The following TMEM132B variants were observed in gnomAD, a reference collection of about 807,000 sequenced individuals.
TMEM132B encodes the protein transmembrane protein 132B.
TMEM132B carries 18 observed loss-of-function variants against 90.8 expected under a neutral mutation model. The observed-to-expected ratio is 0.20, with a 90% CI of 0.14 to 0.29. The LOEUF is 0.29. Ranked by LOEUF, TMEM132B falls within the 10% of genes least tolerant of loss-of-function variation. The pLI, the probability that TMEM132B is intolerant of heterozygous loss-of-function variation, is 1.00. For synonymous variants in TMEM132B, 504 were observed against 523.3 expected (o/e 0.96, Z 0.50); for missense variants, 1,096 against 1,326.8 (o/e 0.83, Z 2.70).
rs369597303 is a variant in TMEM132B, at chr12:125,601,263, C to G, written c.1437+17269C>G. On this transcript the variant is annotated intron_variant, in intron 5 of 8. Transcript: ENST00000682704. ...GCAAATGAACTGAAATCTTAACAGTCTCTCAGACCACGGTGAAATCAAATT... is the reference window on the plus strand; with the variant it reads ...GCAAATGAACTGAAATCTTAACAGTGTCTCAGACCACGGTGAAATCAAATT... 2.2e-4 allele frequency among the ~76,000 whole-genome samples: 34 copies of G among 152,304 alleles called. 1 individual carries two copies. The East Asian group carries it at 6.4e-3, about 28-fold the overall frequency.
At chr12:125,268,781 A>G (rs1426747523) in intron 1 of TMEM132B, among the ~76,000 whole-genome samples, 1 of 152,234 alleles carries the variant, frequency 6.6e-6, no homozygotes, top group Non-Finnish European at 1.5e-5. Context: ...TGTTTTACCC[A>G]TTCAAAACAT....
intron 1 of TMEM132B, among the ~76,000 whole-genome samples, chr12:125,326,285 CT>C (rs1876560617): frequency 1.3e-5 from 2 of 152,214 alleles, no homozygotes; most frequent in African/African-American, 4.8e-5. Flanking sequence ...GTCCCCGTGC[CT>C]TTGAGCTTCA....
chr12:125,463,014 C>A (rs1476963095), intron 3 of TMEM132B, among the ~76,000 whole-genome samples: 2 of 152,170 alleles, frequency 1.3e-5, no homozygotes, highest in Non-Finnish European at 1.5e-5. Context: ...GATGTTAAAG[C>A]TTTTAACCTT....
intron 4 of TMEM132B, among the ~76,000 whole-genome samples, chr12:125,570,618 G>A (rs1301958455): frequency 1.3e-5 from 2 of 152,168 alleles, no homozygotes; most frequent in Admixed American, 6.5e-5. Context: ...TTTCTGCCTC[G>A]TAGATAATAA....
intron 1 of TMEM132B, among the ~76,000 whole-genome samples, chr12:125,249,862 A>G (rs1874280590): frequency 6.6e-6 from 1 of 152,198 alleles, no homozygotes; most frequent in Non-Finnish European, 1.5e-5. Context: ...AGAGTCCCCC[A>G]TCGGGCCACA....
chr12:125,486,995 T>C (rs1882221007), intron 3 of TMEM132B, among the ~76,000 whole-genome samples: 1 of 152,216 alleles, frequency 6.6e-6, no homozygotes, highest in African/African-American at 2.4e-5. Context: ...GTAAAATTTG[T>C]TCCGAAACCA....
intron 2 of TMEM132B, among the ~76,000 whole-genome samples, chr12:125,375,281 A>G (rs1878439262): frequency 6.6e-6 from 1 of 152,250 alleles, no homozygotes; most frequent in South Asian, 2.1e-4. Context: ...AATATGCAAC[A>G]GTCTCTAAAG....
At chr12:125,351,058 T>C (rs1877559511) in intron 2 of TMEM132B, among the ~76,000 whole-genome samples, 1 of 152,174 alleles carries the variant, frequency 6.6e-6, no homozygotes, top group Non-Finnish European at 1.5e-5. Flanking sequence ...TCTGCAGTTC[T>C]CAGTATCCAG....
chr12:125,241,814 A>T (rs945091431), intron 1 of TMEM132B, among the ~76,000 whole-genome samples: 4 of 152,212 alleles, frequency 2.6e-5, no homozygotes, highest in African/African-American at 7.2e-5. Context: ...ATAGATGTGT[A>T]TGAATAGAGT....
At chr12:125,642,936 A>ATT in intron 5 of TMEM132B, among the ~76,000 whole-genome samples, 1 of 151,022 alleles carries the variant, frequency 6.6e-6, no homozygotes, top group South Asian at 2.1e-4. Flanking sequence ...TATTAGTGCC[A>ATT]TTTTTTTTTG....
rs869083244 is a variant in TMEM132B at position 125,282,027 on chromosome 12, C to CAAAAAA, written c.68-67397_68-67392dup. On this transcript the variant is annotated intron_variant, in intron 1 of 8. Transcript: ENST00000682704. ...TGGCCAACACAGGGAGACTCCGTCT[C>CAAAAAA]AAAAAAAAAAAAAAAAAAAAAAAAA... 2.3e-3 allele frequency among the ~76,000 whole-genome samples: 37 copies of CAAAAAA among 16,074 alleles called. 1 individual carries two copies. The highest frequency in any genetic ancestry group is 6.3e-3 in the African/African-American group (28 of 4,430). The allele number at this position is 16,074 out of a possible 152,430, so 10.5% of individuals were successfully genotyped here. A position where few individuals can be genotyped will look rare whatever the true frequency, so the allele number is the denominator to read the frequency against.
chr12:125,589,865 C>T (rs1286514053), intron 5 of TMEM132B, among the ~76,000 whole-genome samples: 1 of 152,014 alleles, frequency 6.6e-6, no homozygotes, highest in Non-Finnish European at 1.5e-5. Context: ...GATTACAATT[C>T]AACATGAGAT....
chr12:125,285,279 C>A (rs1028307143), intron 1 of TMEM132B, among the ~76,000 whole-genome samples: 1 of 152,132 alleles, frequency 6.6e-6, no homozygotes, highest in African/African-American at 2.4e-5. Context: ...TGAGGGATTT[C>A]CGCAAAAATG....
rs199765236 is a variant in TMEM132B at position 125,394,451 on chromosome 12, G to A, written c.960-21080G>A. Among the ~76,000 whole-genome samples the A allele has an allele frequency of 3.3e-5, 5 of 152,344 alleles. No homozygotes were observed. The East Asian group carries it at 9.7e-4, about 29-fold the overall frequency. Reference sequence around the variant, plus strand: ...TGATACACATGAGGATGATGGCAGTGACATGGAGAGACACTCGGGACTTAT... The same window carrying A: ...TGATACACATGAGGATGATGGCAGTAACATGGAGAGACACTCGGGACTTAT... On this transcript the variant is annotated intron_variant, in intron 2 of 8. Coordinates refer to ENST00000682704, the MANE Select transcript of TMEM132B (RefSeq NM_001366854.1).
intron 1 of TMEM132B, among the ~76,000 whole-genome samples, chr12:125,202,929 T>G (rs1230778223): frequency 6.6e-6 from 1 of 152,140 alleles, no homozygotes; most frequent in Non-Finnish European, 1.5e-5. Context: ...ATCCAACACA[T>G]TTCTTTTTCT....
At chr12:125,301,938 A>C (rs1395480779) in intron 1 of TMEM132B, 1 of 150,596 alleles carries the variant, frequency 6.6e-6, no homozygotes, top group African/African-American at 2.4e-5. Context: ...GCGGTGGCTC[A>C]TGCCTGTAAT....
intron 2 of TMEM132B, among the ~76,000 whole-genome samples, chr12:125,386,217 G>A (rs866192996): frequency 6.6e-6 from 1 of 152,030 alleles, no homozygotes; most frequent in Admixed American, 6.6e-5. Flanking sequence ...TGAACTCTTG[G>A]GCTCAAGTGA....
chr12:125,503,032 G>A (rs1014562331), intron 3 of TMEM132B, among the ~76,000 whole-genome samples: 3 of 152,154 alleles, frequency 2.0e-5, no homozygotes, highest in African/African-American at 4.8e-5. Context: ...CAGCAGGTGC[G>A]GTCCCAGACT....
chr12:125,313,512 T>C (rs1038690000), intron 1 of TMEM132B, among the ~76,000 whole-genome samples: 3 of 135,694 alleles, frequency 2.2e-5, no homozygotes, highest in Non-Finnish European at 4.8e-5. Flanking sequence ...TCTCTCTCCC[T>C]TCCTTCATTT....
Sources: gnomAD v4.1 joint callset for allele counts (sites outside exome capture counted in the v4.1 genomes callset) on GRCh38, gnomAD v4.1.1 for gene constraint, MANE v1.5 for transcripts, NCBI Gene and HGNC (gene_info 2026-07-23, HGNC 2026-07-21) for gene names.